SLAIN2: variants seen among roughly 807,000 people sequenced by gnomAD.
The protein encoded by SLAIN2 is SLAIN motif-containing protein 2.
Under a neutral mutation model 56.6 loss-of-function variants are expected in SLAIN2, and 31 were observed. The observed-to-expected ratio is 0.55, with a 90% CI of 0.41 to 0.74. The LOEUF is 0.74. Among genes scored for constraint, SLAIN2 ranks in the 30% least tolerant of loss-of-function variants. The pLI, the probability that SLAIN2 is intolerant of heterozygous loss-of-function variation, is 0.00. For missense variants in SLAIN2, 777 were observed against 754.2 expected, an observed-to-expected ratio of 1.03 and a Z score of -0.35; for synonymous variants, 317 against 284.9, an observed-to-expected ratio of 1.11 and a Z score of -1.13.
In SLAIN2 at chr4:48,420,296, C is replaced by T. The variant is rs370977953; in HGVS notation, c.1532C>T (p.Ser511Leu). Residue 511 changes from serine to leucine, a missense_variant, in exon 7 of 8, where the codon TCA becomes TTA. Ser to Leu is a moderately radical substitution (Grantham distance 145). Coordinates refer to ENST00000264313, the MANE Select transcript of SLAIN2 (RefSeq NM_020846.2). ...CCTCCTATGGTTCAGAGCACAGTCT[C>T]AGCAAATCCTCCCAGCAATATCAAC... is the stretch of plus-strand genomic sequence containing the variant. Reference protein sequence around the residue: ...PGPPMVQSTVSANPPSNINSA... With the variant: ...PGPPMVQSTVLANPPSNINSA... 10 of 1,613,862 alleles carry T rather than the reference C, an allele frequency of 6.2e-6. No individual in the cohort carries two copies. Among genetic ancestry groups the T allele is most frequent in the South Asian group, 1.1e-5 (1 of 91,084 alleles).
Position 48,393,673 on chromosome 4 carries a change from A to G in SLAIN2, c.1360+9889A>G, listed in dbSNP as rs1434683641. Among the ~76,000 whole-genome samples, 7 of 152,310 alleles carry G rather than the reference A, an allele frequency of 4.6e-5. No individual in the cohort carries two copies. In the East Asian group the frequency reaches 9.6e-4, roughly 21 times the overall value. On this transcript the variant is annotated intron_variant, in intron 6 of 7. Coordinates refer to ENST00000264313, the MANE Select transcript of SLAIN2 (RefSeq NM_020846.2). ...TTTTTTGCACATAAACACTAAAGGTATATGAAGTCTGACTTTCAAATCAGC... is the reference window on the plus strand; with the variant it reads ...TTTTTTGCACATAAACACTAAAGGTGTATGAAGTCTGACTTTCAAATCAGC...
intron 6 of SLAIN2, among the ~76,000 whole-genome samples, chr4:48,406,893 A>G (rs1189416174): frequency 6.6e-6 from 1 of 152,070 alleles, no homozygotes; most frequent in Non-Finnish European, 1.5e-5. Flanking sequence ...TGTTTCTGTT[A>G]TAATCATTTG....
Position 48,377,932 on chromosome 4 carries a change from A to T in SLAIN2, c.575A>T (p.Asn192Ile). The T allele has an allele frequency of 3.1e-6, 5 of 1,613,602 alleles. No individual in the cohort carries two copies. Among genetic ancestry groups the T allele is most frequent in the Non-Finnish European group, 4.2e-6 (5 of 1,179,802 alleles). The change falls in exon 3 of 8, where the codon AAC (asparagine) becomes ATC (isoleucine). Residue 192 changes from asparagine to isoleucine, a missense_variant. Transcript: ENST00000264313. ...CAGAATTTATATAATAATCCTTTCA[A>T]CTCTATGAGTTACACCAGTCCTTAC... is the stretch of plus-strand genomic sequence containing the variant. ...KRQNLYNNPF[N>I]SMSYTSPYSP...
chr4:48,363,930 C>A (rs1715426225), intron 1 of SLAIN2, among the ~76,000 whole-genome samples: 1 of 126,662 alleles, frequency 7.9e-6, no homozygotes, highest in Non-Finnish European at 1.8e-5. Context: ...GGGGCTGACC[C>A]CCCCACCTCC....
At chr4:48,361,089 ATTCT>A (rs1333994560) in intron 1 of SLAIN2, among the ~76,000 whole-genome samples, 10 of 152,256 alleles carry the variant, frequency 6.6e-5, no homozygotes, top group African/African-American at 2.2e-4. Context: ...GTCTACAAAG[ATTCT>A]TTCTTAAAAC....
Position 48,420,385 on chromosome 4 carries a change from G to C in SLAIN2, c.1621G>C (p.Ala541Pro). The part of the protein sequence containing the change: ...AMRSGLPRPS[A>P]PSAGGIPVPR... The stretch of plus-strand genomic sequence containing the variant: ...GAGAAGTGGCTTGCCCAGACCCAGT[G>C]CCCCTTCTGCTGGGGGCATACCAGT... Residue 541 changes from alanine to proline, a missense_variant, in exon 7 of 8, where the codon GCC becomes CCC. Ala to Pro is a conservative substitution (Grantham distance 27). Transcript: ENST00000264313. 1 of 1,613,994 alleles carries C rather than the reference G, an allele frequency of 6.2e-7. No individual in the cohort carries two copies. Among genetic ancestry groups the C allele is most frequent in the Non-Finnish European group, 8.5e-7 (1 of 1,179,868 alleles).
chr4:48,386,631 A>G (rs921712299), intron 6 of SLAIN2, among the ~76,000 whole-genome samples: 1 of 152,178 alleles, frequency 6.6e-6, no homozygotes, highest in African/African-American at 2.4e-5. Context: ...TAAACTTAGT[A>G]CTCCAAGTCT....
rs1311397851 is a variant in SLAIN2 at position 48,394,464 on chromosome 4, TTC to T, written c.1360+10682_1360+10683del. ...TTCTAACATATTTGCACCTTATGGC[TTC>T]TGTTCTTTGATACATTTTTAAGTTT... is the stretch of plus-strand genomic sequence containing the variant. On this transcript the variant is annotated intron_variant, in intron 6 of 7. Transcript: ENST00000264313. The T allele has an allele frequency of 1.7e-5, 13 of 785,488 alleles. No individual in the cohort carries two copies. In the African/African-American group the frequency reaches 2.3e-4, roughly 14 times the overall value. The allele number at this position is 785,488 out of a possible 1,614,324, so 48.7% of individuals were successfully genotyped here. A position where few individuals can be genotyped will look rare whatever the true frequency, so the allele number is the denominator to read the frequency against.
chr4:48,363,749 ACC>A (rs542545126), intron 1 of SLAIN2, among the ~76,000 whole-genome samples: 58 of 64,704 alleles, frequency 9.0e-4, no homozygotes, highest in South Asian at 7.8e-3. Context: ...CGGGGGGCTG[ACC>A]CCCCCCACCT....
chr4:48,385,477 A>G (rs866067856), intron 6 of SLAIN2, among the ~76,000 whole-genome samples: 3 of 152,130 alleles, frequency 2.0e-5, no homozygotes, highest in Admixed American at 6.5e-5. Flanking sequence ...GCATATTACT[A>G]TCAGTGGTTG....
chr4:48,425,396 G>A lies in SLAIN2; in HGVS notation c.*3319G>A, dbSNP rs574779245. Reference sequence around the variant, plus strand: ...AAAGCTATTATGAGTTTCCAAGAGGGACAATTAATGCATTTTCATACCAAA... The same window carrying A: ...AAAGCTATTATGAGTTTCCAAGAGGAACAATTAATGCATTTTCATACCAAA... On this transcript the variant is annotated 3_prime_UTR_variant, in exon 8 of 8. Transcript: ENST00000264313. The A allele has an allele frequency of 6.6e-6, 1 of 152,168 alleles. No individual in the cohort carries two copies. The highest frequency in any genetic ancestry group is 1.9e-4 in the East Asian group (1 of 5,172). 9.4% of individuals were successfully genotyped at this position (152,168 alleles called of 1,614,324 possible). A position where few individuals can be genotyped will look rare whatever the true frequency, so the allele number is the denominator to read the frequency against.
Position 48,369,998 on chromosome 4 carries a change from G to A in SLAIN2, c.538+1G>A, listed in dbSNP as rs1224602226. On this transcript the variant is annotated splice_donor_variant, in intron 2 of 7. Transcript: ENST00000264313. LOFTEE classifies it high-confidence loss of function. ...CACAAACTTGATCAAACTATGTCAGGTATGTCTATAATTTTGCTTGTAAAT... is the reference window on the plus strand; with the variant it reads ...CACAAACTTGATCAAACTATGTCAGATATGTCTATAATTTTGCTTGTAAAT... 2 of 1,612,068 alleles carry A rather than the reference G, an allele frequency of 1.2e-6. No individual in the cohort carries two copies. The highest frequency in any genetic ancestry group is 1.3e-5 in the African/African-American group (1 of 74,860).
intron 1 of SLAIN2, among the ~76,000 whole-genome samples, chr4:48,344,914 A>G (rs1714822599): frequency 6.6e-6 from 1 of 152,184 alleles, no homozygotes; most frequent in South Asian, 2.1e-4. Context: ...AAGAGTTGCA[A>G]TTCTCACTTG....
chr4:48,352,861 G>A (rs1433103608), intron 1 of SLAIN2, among the ~76,000 whole-genome samples: 4 of 152,162 alleles, frequency 2.6e-5, no homozygotes, highest in Non-Finnish European at 4.4e-5. Context: ...TAAGCCCCAC[G>A]TGTTGTGGGA....
chr4:48,342,033 A>G lies in SLAIN2; in HGVS notation c.294A>G (p.Leu98=). 2 of 1,401,698 alleles carry G rather than the reference A, an allele frequency of 1.4e-6. No homozygotes were observed. The highest frequency in any genetic ancestry group is 1.5e-5 in the African/African-American group (1 of 65,782). 86.8% of individuals were successfully genotyped at this position (1,401,698 alleles called of 1,614,324 possible). A position where few individuals can be genotyped will look rare whatever the true frequency, so the allele number is the denominator to read the frequency against. The change falls in exon 1 of 8, where the codon CTA becomes CTG. Residue 98 remains leucine (L), a synonymous_variant. Coordinates refer to ENST00000264313, the MANE Select transcript of SLAIN2 (RefSeq NM_020846.2). ...SEELRDATSL[L]AAGEGGLLDE... is the part of the protein sequence containing the mutation. ...AGCTGCGGGACGCCACCTCCTTGCT[A>G]GCGGCGGGCGAGGGCGGCTTGCTGG...
chr4:48,373,453 G>C (rs1715723207), intron 2 of SLAIN2, among the ~76,000 whole-genome samples: 1 of 152,034 alleles, frequency 6.6e-6, no homozygotes, highest in African/African-American at 2.4e-5. Context: ...TATCACCTCT[G>C]TTGAATCACA....
intron 1 of SLAIN2, among the ~76,000 whole-genome samples, chr4:48,353,521 G>A (rs1715074965): frequency 6.6e-6 from 1 of 151,838 alleles, no homozygotes; most frequent in East Asian, 1.9e-4. Flanking sequence ...TATGAACAAA[G>A]AATCCGTGGG....
At chr4:48,416,364 CTGT>C (rs1716994338) in intron 6 of SLAIN2, among the ~76,000 whole-genome samples, 1 of 100,112 alleles carries the variant, frequency 1.0e-5, no homozygotes, top group African/African-American at 3.9e-5. Flanking sequence ...CTCTGTTTGT[CTGT>C]TGTTGGTGTA....
At chr4:48,344,628 A>G (rs944284736) in intron 1 of SLAIN2, among the ~76,000 whole-genome samples, 7 of 151,946 alleles carry the variant, frequency 4.6e-5, no homozygotes, top group African/African-American at 1.7e-4. Flanking sequence ...AACTTAATTG[A>G]GCTCCCAAGG....
Sources: gnomAD v4.1 joint callset for allele counts (sites outside exome capture counted in the v4.1 genomes callset) on GRCh38, gnomAD v4.1.1 for gene constraint, MANE v1.5 for transcripts, NCBI Gene and HGNC (gene_info 2026-07-23, HGNC 2026-07-21) for gene names.